CACNA2D4: variants seen among roughly 807,000 people sequenced by gnomAD.
The protein encoded by CACNA2D4 is voltage-dependent calcium channel subunit alpha-2/delta-4.
In CACNA2D4, 157 loss-of-function variants were observed where a neutral mutation model predicts 163.8. That is an observed-to-expected ratio of 0.96 (90% CI 0.84 to 1.09). The LOEUF (loss-of-function observed/expected upper bound fraction) is 1.09. Among genes scored for constraint, CACNA2D4 ranks in the 50% least tolerant of loss-of-function variants. The pLI, the probability that CACNA2D4 is intolerant of heterozygous loss-of-function variation, is 0.00. For synonymous variants in CACNA2D4, 598 were observed against 586.9 expected, an observed-to-expected ratio of 1.02 and a Z score of -0.27; for missense variants, 1,410 against 1,479.9, an observed-to-expected ratio of 0.95 and a Z score of 0.78.
At chr12:1,886,508 A>G in intron 7 of CACNA2D4, 135 bp from the exon 8 acceptor site, 1 of 766,132 alleles carries the variant, frequency 1.3e-6, no homozygotes, top group Non-Finnish European at 2.1e-6. Flanking sequence ...CATCTATGCC[A>G]GGTTTCACAT....
At chr12:1,807,804 A>C (rs553560963) in intron 29 of CACNA2D4, among the ~76,000 whole-genome samples, 95 of 152,198 alleles carry the variant, frequency 6.2e-4, no homozygotes, top group Middle Eastern at 3.4e-3. Context: ...GGCCCTGATC[A>C]CAGTGGGGGA....
intron 5 of CACNA2D4, 64 bp from the exon 6 acceptor site, chr12:1,907,635 G>A (rs1459593532): frequency 1.1e-5 from 16 of 1,484,030 alleles, no homozygotes; most frequent in Admixed American, 1.8e-5. Flanking sequence ...GATCATGCCC[G>A]GTGAGGGTGC....
chr12:1,905,382 A>C (rs1489106903), intron 6 of CACNA2D4, among the ~76,000 whole-genome samples: 2 of 152,160 alleles, frequency 1.3e-5, no homozygotes, highest in Non-Finnish European at 2.9e-5. Context: ...TAAAAAAGAA[A>C]TAAATGACAT....
In CACNA2D4 at chr12:1,828,274, T is replaced by C. The variant is rs1001754769; in HGVS notation, c.2551+12465A>G. On this transcript the variant is annotated intron_variant, in intron 26 of 37. Transcript: ENST00000382722. This position sits in a 1 kb window ranked among gnomAD's most constrained non-coding sequence, Gnocchi z 4.2. ...GGTTGGGTGGGGGTGCCGAGGTGAC[T>C]GTAGGTAGCGCCATATGGGACCTTA... The C allele has an allele frequency of 2.9e-5, 41 of 1,431,842 alleles. No homozygotes were observed. In the Admixed American group the frequency reaches 4.2e-4, roughly 15 times the overall value. The allele number at this position is 1,431,842 out of a possible 1,614,324, so 88.7% of individuals were successfully genotyped here.
At chr12:1,800,459 A>G (rs1863275482) in intron 31 of CACNA2D4, 21 bp from the exon 32 acceptor site, 2 of 1,611,594 alleles carry the variant, frequency 1.2e-6, no homozygotes, top group Non-Finnish European at 1.7e-6. Context: ...GAGAGTGCAC[A>G]CCGCTCGCAC....
intron 26 of CACNA2D4, among the ~76,000 whole-genome samples, chr12:1,826,706 C>CA (rs1555177954): frequency 2.0e-5 from 3 of 152,080 alleles, no homozygotes; most frequent in South Asian, 2.1e-4. Context: ...CTGCCCTTGC[C>CA]GGGGGCAGAG....
At chr12:1,808,235 G>C (rs1863603196) in intron 29 of CACNA2D4, among the ~76,000 whole-genome samples, 1 of 152,194 alleles carries the variant, frequency 6.6e-6, no homozygotes, top group East Asian at 1.9e-4. Context: ...CCGCCTCCCC[G>C]CACGGTTGTC....
intron 27 of CACNA2D4, among the ~76,000 whole-genome samples, chr12:1,811,014 G>T (rs1338486899): frequency 6.6e-6 from 1 of 152,208 alleles, no homozygotes; most frequent in Non-Finnish European, 1.5e-5. Context: ...GGGCTCTGTG[G>T]GGCTCCTGCA....
chr12:1,857,996 T>C (rs1468631316), intron 20 of CACNA2D4, among the ~76,000 whole-genome samples: 1 of 152,202 alleles, frequency 6.6e-6, no homozygotes, highest in Non-Finnish European at 1.5e-5. Flanking sequence ...AGTGTGCAGC[T>C]GCAAGACGAG....
intron 26 of CACNA2D4, among the ~76,000 whole-genome samples, chr12:1,838,932 G>A (rs1267370146): frequency 1.3e-5 from 2 of 152,212 alleles, no homozygotes. Flanking sequence ...ACGGCAGCCA[G>A]GCGGGCACAA....
Position 1,918,358 on chromosome 12 carries a change from G to A in CACNA2D4, c.116C>T (p.Pro39Leu), listed in dbSNP as rs193295028. The change falls in exon 1 of 38, where the codon CCA becomes CTA. Residue 39 changes from proline (P) to leucine (L), a missense_variant. By Grantham distance (98) the Pro-to-Leu change is moderately conservative (BLOSUM62 -3). Coordinates refer to ENST00000382722, the MANE Select transcript of CACNA2D4 (RefSeq NM_172364.5). The part of the protein sequence containing the change: ...SSSSRWIPLQ[P>L]MPVAWAFVQK... The stretch of plus-strand genomic sequence containing the variant: ...CACAAAGGCCCAGGCCACGGGCATT[G>A]GCTGGAGGGGAATCCAGCGGCTGCT... The A allele has an allele frequency of 3.7e-6, 6 of 1,607,152 alleles. No individual in the cohort carries two copies. The highest frequency in any genetic ancestry group is 5.1e-6 in the Non-Finnish European group (6 of 1,176,926).
At chr12:1,894,409 A>G (rs1434563720) in intron 6 of CACNA2D4, among the ~76,000 whole-genome samples, 1 of 152,166 alleles carries the variant, frequency 6.6e-6, no homozygotes, top group African/African-American at 2.4e-5. Context: ...CTCTAATATC[A>G]AAACCAGATA....
intron 26 of CACNA2D4, among the ~76,000 whole-genome samples, chr12:1,839,283 A>G (rs563567671): frequency 1.1e-4 from 16 of 152,324 alleles, no homozygotes; most frequent in African/African-American, 3.6e-4. Context: ...TGCCTGTTGG[A>G]TCGCGCAACT....
intron 26 of CACNA2D4, among the ~76,000 whole-genome samples, chr12:1,814,353 C>G (rs1005229603): frequency 3.9e-5 from 6 of 152,198 alleles, no homozygotes; most frequent in African/African-American, 1.4e-4. Flanking sequence ...CAGGCTCCTC[C>G]AAGCCAAGCT....
At chr12:1,831,299 C>T in intron 26 of CACNA2D4, 1 of 1,613,764 alleles carries the variant, frequency 6.2e-7, no homozygotes, top group South Asian at 1.1e-5. Context: ...TGCTCCGCCA[C>T]CTGGACCTGT....
chr12:1,901,138 A>T (rs1275975429), intron 6 of CACNA2D4, among the ~76,000 whole-genome samples: 1 of 152,186 alleles, frequency 6.6e-6, no homozygotes, highest in Non-Finnish European at 1.5e-5. Context: ...AAATTGAAAA[A>T]TTTCTTGAAA....
At chr12:1,895,069 CA>C (rs147491975) in intron 6 of CACNA2D4, among the ~76,000 whole-genome samples, 5,585 of 152,170 alleles carry the variant, frequency 0.037, 332 homozygotes, top group African/African-American at 0.12. Flanking sequence ...ATACAAAAAT[CA>C]GTAGTGTTTC....
chr12:1,907,431 T>C lies in CACNA2D4; in HGVS notation c.781+9A>G. 2 of 1,611,878 alleles carry C rather than the reference T, an allele frequency of 1.2e-6. No homozygotes were observed. The highest frequency in any genetic ancestry group is 1.7e-6 in the Non-Finnish European group (2 of 1,178,276). Reference sequence around the variant, plus strand: ...AGAAGGTCGGGGAGATGCAACTCCATGTCCTTACCTGGATAGATCCTGAAG... The same window carrying C: ...AGAAGGTCGGGGAGATGCAACTCCACGTCCTTACCTGGATAGATCCTGAAG... On this transcript the variant is annotated intron_variant, in intron 6 of 37. Transcript: ENST00000382722.
chr12:1,910,792 C>T (rs994232273), intron 3 of CACNA2D4, among the ~76,000 whole-genome samples: 1 of 152,030 alleles, frequency 6.6e-6, no homozygotes, highest in African/African-American at 2.4e-5. Context: ...GTGAAATACC[C>T]ACAACATGCA....
Sources: gnomAD v4.1 joint callset for allele counts (sites outside exome capture counted in the v4.1 genomes callset) on GRCh38, gnomAD v4.1.1 for gene constraint, Gnocchi (gnomAD v3.1) non-coding constraint, MANE v1.5 for transcripts, NCBI Gene and HGNC (gene_info 2026-07-23, HGNC 2026-07-21) for gene names.